JAM2: variants seen among roughly 807,000 people sequenced by gnomAD.
The protein encoded by JAM2 is junctional adhesion molecule 2, also known as junctional adhesion molecule B.
In JAM2, 17 loss-of-function variants were observed where a neutral mutation model predicts 42.0. That is an observed-to-expected ratio of 0.40 (90% CI 0.28 to 0.61). The LOEUF is 0.61. Ranked by LOEUF, JAM2 falls within the 20% of genes least tolerant of loss-of-function variation. The pLI is 0.37. For missense variants in JAM2, 319 were observed against 358.3 expected (o/e 0.89, Z 0.89); for synonymous variants, 118 against 128.6 (o/e 0.92, Z 0.56).
chr21:25,709,608 T>C, intron 8 of JAM2, 159 bp downstream of exon 8: 1 of 460,146 alleles, frequency 2.2e-6, no homozygotes, highest in Non-Finnish European at 4.0e-6. Flanking sequence ...TGTATTAGGC[T>C]GTTCTTGCAT....
chr21:25,643,027 T>A (rs2032490721), intron 1 of JAM2, among the ~76,000 whole-genome samples: 1 of 152,206 alleles, frequency 6.6e-6, no homozygotes, highest in Admixed American at 6.5e-5. Context: ...GTAAGCGCAC[T>A]GTTGTCATGA....
chr21:25,643,717 A>G (rs1312350805), intron 1 of JAM2: 1 of 152,218 alleles, frequency 6.6e-6, no homozygotes, highest in East Asian at 1.9e-4. Flanking sequence ...CAAGACTATG[A>G]AAGAAATTAT....
rs2034339399 is a variant in JAM2, at chr21:25,709,469, A to G, written c.821+20A>G. 6.9e-7 allele frequency: 1 copy of G among 1,441,846 alleles called. No individual in the cohort carries two copies. The highest frequency in any genetic ancestry group is 9.6e-7 in the Non-Finnish European group (1 of 1,039,822). 89.3% of individuals were successfully genotyped at this position (1,441,846 alleles called of 1,614,324 possible). Reference sequence around the variant, plus strand: ...CTTCCAGTAAGTATACTTTCCTACAATGCATGTCTTTCTCCTATGTCAACT... The same window carrying G: ...CTTCCAGTAAGTATACTTTCCTACAGTGCATGTCTTTCTCCTATGTCAACT... On this transcript the variant is annotated intron_variant, in intron 8 of 9. Transcript: ENST00000480456.
At chr21:25,710,462 AG>A (rs2034360436) in intron 8 of JAM2, among the ~76,000 whole-genome samples, 1 of 152,236 alleles carries the variant, frequency 6.6e-6, no homozygotes, top group African/African-American at 2.4e-5. Flanking sequence ...TACAAAGGGT[AG>A]GAGTAGAGAT....
intron 1 of JAM2, among the ~76,000 whole-genome samples, chr21:25,680,041 G>A (rs1157354606): frequency 6.6e-6 from 1 of 152,164 alleles, no homozygotes; most frequent in Non-Finnish European, 1.5e-5. Context: ...AATTGTAAGA[G>A]TCAAATGAGT....
At chr21:25,646,994 T>A (rs2123306306) in intron 1 of JAM2, among the ~76,000 whole-genome samples, 1 of 152,350 alleles carries the variant, frequency 6.6e-6, no homozygotes, top group Middle Eastern at 3.4e-3. Flanking sequence ...TTTATATTTG[T>A]AAGGAGTAAA....
intron 4 of JAM2, among the ~76,000 whole-genome samples, chr21:25,695,672 G>A (rs1246117547): frequency 4.0e-5 from 6 of 151,542 alleles, no homozygotes; most frequent in African/African-American, 1.2e-4. Flanking sequence ...CAGACGGGGC[G>A]GGGCGGCTGC....
At chr21:25,672,222 T>A (rs1012444219) in intron 1 of JAM2, among the ~76,000 whole-genome samples, 1 of 152,084 alleles carries the variant, frequency 6.6e-6, no homozygotes, top group Admixed American at 6.6e-5. Flanking sequence ...GTAACTGGGA[T>A]TACAGGTGCA....
At chr21:25,713,040 A>G (rs1056940340) in intron 9 of JAM2, among the ~76,000 whole-genome samples, 3 of 152,204 alleles carry the variant, frequency 2.0e-5, no homozygotes, top group Non-Finnish European at 4.4e-5. Flanking sequence ...CTCACATAGT[A>G]GCAGGGGCAA....
chr21:25,684,581 CATT>C (rs1258605720), intron 2 of JAM2, among the ~76,000 whole-genome samples: 17 of 151,986 alleles, frequency 1.1e-4, no homozygotes, highest in Admixed American at 3.9e-4. Context: ...AATAAGCTTT[CATT>C]GTTGTTGTTG....
intron 7 of JAM2, among the ~76,000 whole-genome samples, chr21:25,708,655 A>T (rs2034320564): frequency 6.6e-6 from 1 of 152,210 alleles, no homozygotes. Context: ...TATGAATTGA[A>T]TCCAGCTGTG....
At chr21:25,697,037 A>T (rs1293657551) in intron 4 of JAM2, among the ~76,000 whole-genome samples, 2 of 141,248 alleles carry the variant, frequency 1.4e-5, no homozygotes, top group African/African-American at 5.4e-5. Context: ...TAGAGACATG[A>T]TCTCACTATG....
chr21:25,664,177 C>A (rs1329409224), intron 1 of JAM2, among the ~76,000 whole-genome samples: 2 of 152,168 alleles, frequency 1.3e-5, no homozygotes, highest in African/African-American at 2.4e-5. Flanking sequence ...CATTGTATCG[C>A]CAATAATTTA....
chr21:25,698,953 C>A, intron 5 of JAM2, 74 bp downstream of exon 5: 1 of 1,314,046 alleles, frequency 7.6e-7, no homozygotes. Flanking sequence ...CTTAAGATGA[C>A]GTTTAATAGA....
chr21:25,714,339 T>C, intron 9 of JAM2: 1 of 551,630 alleles, frequency 1.8e-6, no homozygotes, highest in Non-Finnish European at 2.8e-6. Flanking sequence ...ACCCCATCTC[T>C]ACTAAAATAC....
intron 6 of JAM2, among the ~76,000 whole-genome samples, chr21:25,704,580 T>C (rs911910253): frequency 2.6e-5 from 4 of 152,250 alleles, no homozygotes; most frequent in African/African-American, 9.6e-5. Context: ...CTCTAGGTTA[T>C]TTAATCATAG....
At chr21:25,696,277 G>A (rs940920504) in intron 4 of JAM2, among the ~76,000 whole-genome samples, 7 of 152,248 alleles carry the variant, frequency 4.6e-5, no homozygotes, top group South Asian at 2.1e-4. Flanking sequence ...AATCCCAGGC[G>A]CTCGGCAGGC....
chr21:25,713,912 TATCAACTA>T (rs2034431241), intron 9 of JAM2, among the ~76,000 whole-genome samples: 1 of 152,246 alleles, frequency 6.6e-6, no homozygotes, highest in African/African-American at 2.4e-5. Context: ...CAGTTGCCCT[TATCAACTA>T]ACAGCTAGAG....
At chr21:25,697,144 C>G (rs571511371) in intron 4 of JAM2, among the ~76,000 whole-genome samples, 4 of 152,104 alleles carry the variant, frequency 2.6e-5, no homozygotes, top group African/African-American at 9.6e-5. Flanking sequence ...TACACCTAGC[C>G]TTCTCCTTGT....
Sources: gnomAD v4.1 joint callset for allele counts (sites outside exome capture counted in the v4.1 genomes callset) on GRCh38, gnomAD v4.1.1 for gene constraint, MANE v1.5 for transcripts, NCBI Gene and HGNC (gene_info 2026-07-23, HGNC 2026-07-21) for gene names.